Variants in DPH6 observed in about 807,000 individuals in gnomAD.
DPH6 encodes diphthamine biosynthesis 6.
DPH6 carries 33 observed loss-of-function variants against 38.2 expected under a neutral mutation model. That is an observed-to-expected ratio of 0.86 (90% confidence interval 0.65 to 1.15). The LOEUF is 1.15. DPH6 is among the 50% of genes most tolerant of loss of function. The pLI is 0.00. For synonymous variants in DPH6, 108 were observed against 103.0 expected (o/e 1.05, Z -0.30); for missense variants, 325 against 320.0 (o/e 1.02, Z -0.12).
At chr15:35,380,813 T>C (rs1427030091) in intron 7 of DPH6, among the ~76,000 whole-genome samples, 4 of 152,138 alleles carry the variant, frequency 2.6e-5, no homozygotes, top group African/African-American at 9.7e-5. Context: ...TTCTACCCCT[T>C]TGAAGGCAGA....
At chr15:35,336,977 G>A (rs1224510517) in intron 3 of DPH6, among the ~76,000 whole-genome samples, 1 of 152,030 alleles carries the variant, frequency 6.6e-6, no homozygotes, top group Non-Finnish European at 1.5e-5. Flanking sequence ...AGTTAGGGAG[G>A]ATTCCCTCTT....
chr15:35,296,228 C>T (rs1394615208), intron 3 of DPH6, among the ~76,000 whole-genome samples: 1 of 152,144 alleles, frequency 6.6e-6, no homozygotes, highest in Admixed American at 6.5e-5. Flanking sequence ...TGTGAGCCAC[C>T]ACGCCTGGCC....
At chr15:35,197,525 T>C in the DPH6 span, among the ~76,000 whole-genome samples, 1 of 152,152 alleles carries the variant, frequency 6.6e-6, no homozygotes, top group South Asian at 2.1e-4. Context: ...GACAAGACAG[T>C]AACACACTTC....
the DPH6 span, chr15:35,181,779 T>C: frequency 6.6e-6 from 1 of 152,210 alleles, no homozygotes; most frequent in Non-Finnish European, 1.5e-5. Flanking sequence ...AGCTTAGCTA[T>C]ACCAACCAGA....
chr15:35,226,572 G>A (rs901274350), intron 3 of DPH6, among the ~76,000 whole-genome samples: 9 of 152,142 alleles, frequency 5.9e-5, no homozygotes, highest in Admixed American at 5.9e-4. Context: ...GAAGAAACCT[G>A]GGATACATTT....
chr15:35,541,615 A>G (rs1452311967), intron 2 of DPH6, among the ~76,000 whole-genome samples: 3 of 152,152 alleles, frequency 2.0e-5, no homozygotes, highest in African/African-American at 7.2e-5. Context: ...GAAAGAAGTA[A>G]AAGAGAGAAT....
At chr15:35,440,635 G>C (rs1268582170) in intron 5 of DPH6, among the ~76,000 whole-genome samples, 1 of 152,156 alleles carries the variant, frequency 6.6e-6, no homozygotes, top group African/African-American at 2.4e-5. Flanking sequence ...TCTTTAGAAG[G>C]GGGAATGATA....
At chr15:35,544,141 A>G (rs2055306549) in intron 1 of DPH6, among the ~76,000 whole-genome samples, 2 of 152,194 alleles carry the variant, frequency 1.3e-5, no homozygotes, top group African/African-American at 4.8e-5. Context: ...TCACAGCTCT[A>G]TTTTAGTTTC....
chr15:35,533,635 T>C (rs2055121353), intron 3 of DPH6, among the ~76,000 whole-genome samples: 1 of 151,500 alleles, frequency 6.6e-6, no homozygotes, highest in Non-Finnish European at 1.5e-5. Flanking sequence ...TTGCTGTCAA[T>C]AATAAAAAAT....
In DPH6 at chr15:35,450,686, C is replaced by A. The variant is rs565863034; in HGVS notation, c.504G>T (p.Leu168Phe). ...IQAMIIKVAA[L>F]GLDPDKHLGK... ...TCCCTTGATAGTTTGGCTGCATACC[C>A]AAAGCTGCTACTTTGATGATCATTG... Residue 168 changes from leucine (L) to phenylalanine (F), a missense_variant and splice_region_variant, in exon 5 of 9, where the codon TTG (leucine) becomes TTT (phenylalanine). By Grantham distance (22) the Leu-to-Phe change is conservative. Transcript: ENST00000256538. 5.4e-5 allele frequency: 87 copies of A among 1,612,158 alleles called. No homozygotes were observed. In the South Asian group the frequency reaches 6.2e-4, roughly 11 times the overall value.
At chr15:35,225,401 A>T (rs1346569161) in intron 3 of DPH6, among the ~76,000 whole-genome samples, 2 of 152,228 alleles carry the variant, frequency 1.3e-5, no homozygotes, top group African/African-American at 2.4e-5. Context: ...GAAGTCACTA[A>T]GTCCAATCAA....
At chr15:35,381,641 T>TATTAA (rs2052867909) in intron 7 of DPH6, among the ~76,000 whole-genome samples, 181 bp downstream of exon 7, 10 of 152,206 alleles carry the variant, frequency 6.6e-5, no homozygotes, top group Admixed American at 1.3e-4. Context: ...GAAGGCCTCG[T>TATTAA]CTTGTCAGGT....
intron 3 of DPH6, among the ~76,000 whole-genome samples, chr15:35,344,771 T>C (rs2052448305): frequency 6.6e-6 from 1 of 151,934 alleles, no homozygotes. Context: ...TCTTTATTTA[T>C]ATATTAGGCC....
intron 3 of DPH6, among the ~76,000 whole-genome samples, chr15:35,456,469 ATATATT>A (rs1758408666): frequency 6.8e-6 from 1 of 146,820 alleles, no homozygotes; most frequent in African/African-American, 2.5e-5. Context: ...ATATATATAT[ATATATT>A]TATTTATTTA....
In DPH6 at chr15:35,489,559, T is replaced by A. The variant is rs930304537; in HGVS notation, c.313-34739A>T. ...CAGGGATGAGTCTATATCTTTCTCA[T>A]GTTTAAATTTTTCTGAATAATCATA... On this transcript the variant is annotated intron_variant, in intron 3 of 8. Transcript: ENST00000256538. 3.1e-6 allele frequency: 3 copies of A among 983,080 alleles called. No individual in the cohort carries two copies. In the East Asian group the frequency reaches 3.4e-4, roughly 112 times the overall value. The allele number at this position is 983,080 out of a possible 1,614,324, so 60.9% of individuals were successfully genotyped here. A position where few individuals can be genotyped will look rare whatever the true frequency, so the allele number is the denominator to read the frequency against.
the DPH6 span, among the ~76,000 whole-genome samples, chr15:35,171,225 G>A: frequency 1.3e-5 from 2 of 152,188 alleles, no homozygotes; most frequent in Non-Finnish European, 2.9e-5. Context: ...GTCTGCCACT[G>A]CAGTGACATG....
At chr15:35,237,253 A>C in intron 3 of DPH6, 1 of 1,359,682 alleles carries the variant, frequency 7.4e-7, no homozygotes, top group Non-Finnish European at 1.0e-6. Context: ...TGAGCCTTGA[A>C]AGTGCTAAAA....
chr15:35,518,311 C>A (rs1208948065), intron 3 of DPH6, among the ~76,000 whole-genome samples: 1 of 151,982 alleles, frequency 6.6e-6, no homozygotes, highest in Non-Finnish European at 1.5e-5. Flanking sequence ...AAAAAAGCTC[C>A]ATTTTCATCT....
At chr15:35,191,513 T>C in the DPH6 span, among the ~76,000 whole-genome samples, 1 of 152,150 alleles carries the variant, frequency 6.6e-6, no homozygotes, top group Non-Finnish European at 1.5e-5. Flanking sequence ...TTGCTCAGGA[T>C]GACTAAGAGG....
Sources: allele counts gnomAD v4.1 joint callset (sites outside exome capture counted in the v4.1 genomes callset), GRCh38; gene constraint gnomAD v4.1.1; transcripts MANE v1.5; gene names NCBI Gene and HGNC (gene_info 2026-07-23, HGNC 2026-07-21).